The following SV2C variants were observed in gnomAD, a reference collection of about 807,000 sequenced individuals.
SV2C encodes the protein solute carrier family 22 member B3.
A neutral mutation model predicts 79.7 loss-of-function variants in SV2C; 49 were observed. That is an observed-to-expected ratio of 0.61 (90% confidence interval 0.49 to 0.78). The LOEUF (loss-of-function observed/expected upper bound fraction) is 0.78, where lower values mean the gene tolerates loss of function less well. Ranked by LOEUF, SV2C falls within the 30% of genes least tolerant of loss-of-function variation. The pLI is 0.00. For missense variants in SV2C, 833 were observed against 912.9 expected, an observed-to-expected ratio of 0.91 and a Z score of 1.13; for synonymous variants, 334 against 333.2, an observed-to-expected ratio of 1.00 and a Z score of -0.03.
chr5:75,990,377 C>G, the SV2C span, among the ~76,000 whole-genome samples: 16 of 151,890 alleles, frequency 1.1e-4, no homozygotes, highest in Middle Eastern at 3.2e-3. Context: ...AGCCAGTCCT[C>G]AAGAATAAGC....
At chr5:76,260,790 C>G (rs1462477509) in intron 4 of SV2C, among the ~76,000 whole-genome samples, 1 of 152,092 alleles carries the variant, frequency 6.6e-6, no homozygotes, top group East Asian at 1.9e-4. Flanking sequence ...CTGTCCTGTT[C>G]CATTGGTTTA....
chr5:76,242,747 A>G (rs1745826849), intron 4 of SV2C, among the ~76,000 whole-genome samples: 1 of 152,090 alleles, frequency 6.6e-6, no homozygotes, highest in African/African-American at 2.4e-5. Context: ...GAAAACGAAG[A>G]TGATGCCAGG....
At chr5:76,100,141 C>CT (rs1001700921) in intron 1 of SV2C, among the ~76,000 whole-genome samples, 90 of 152,170 alleles carry the variant, frequency 5.9e-4, no homozygotes, top group African/African-American at 2.0e-3. Flanking sequence ...AAATCATGAC[C>CT]TTTTTTTAGT....
At chr5:75,988,940 C>T in the SV2C span, among the ~76,000 whole-genome samples, 6 of 151,870 alleles carry the variant, frequency 4.0e-5, no homozygotes, top group South Asian at 2.1e-4. Flanking sequence ...TTAGTTTCCT[C>T]CCATATATTT....
intron 4 of SV2C, among the ~76,000 whole-genome samples, chr5:76,265,304 C>G (rs561757320): frequency 2.6e-5 from 4 of 152,186 alleles, no homozygotes; most frequent in African/African-American, 4.8e-5. Flanking sequence ...CCCTGCCCCC[C>G]ACCAAGCTCG....
chr5:75,895,290 G>T, the SV2C span, among the ~76,000 whole-genome samples: 1 of 151,962 alleles, frequency 6.6e-6, no homozygotes, highest in African/African-American at 2.4e-5. Context: ...TCACACACAA[G>T]AGAAAAAGCA....
At chr5:75,964,667 C>A in the SV2C span, among the ~76,000 whole-genome samples, 15 of 152,162 alleles carry the variant, frequency 9.9e-5, no homozygotes, top group African/African-American at 3.6e-4. Context: ...GTTTCTTTAC[C>A]AGATTCTACC....
chr5:76,264,341 T>C (rs751433485), intron 4 of SV2C, among the ~76,000 whole-genome samples: 58 of 152,110 alleles, frequency 3.8e-4, no homozygotes, highest in Non-Finnish European at 7.2e-4. Flanking sequence ...TGTAACCTTT[T>C]TTCAAAGTTC....
chr5:76,325,607 C>A lies in SV2C; in HGVS notation c.*60C>A. 1.3e-6 allele frequency: 2 copies of A among 1,589,448 alleles called. No individual in the cohort carries two copies. Among genetic ancestry groups the A allele is most frequent in the Non-Finnish European group, 1.7e-6 (2 of 1,169,272 alleles). On this transcript the variant is annotated 3_prime_UTR_variant, in exon 13 of 13. Transcript: ENST00000502798. The stretch of plus-strand genomic sequence containing the variant: ...TCCTGCCCTGGGTCAATTCTCCTTC[C>A]TGACTCAAGGCTTCAGAGTTTTCCT...
the SV2C span, among the ~76,000 whole-genome samples, chr5:76,015,510 C>G: frequency 6.6e-6 from 1 of 152,082 alleles, no homozygotes; most frequent in East Asian, 1.9e-4. Context: ...GCTTTTGAGT[C>G]AAATTCTGTG....
At chr5:75,955,034 G>GAA in the SV2C span, among the ~76,000 whole-genome samples, 2 of 145,196 alleles carry the variant, frequency 1.4e-5, no homozygotes, top group Non-Finnish European at 3.0e-5. Flanking sequence ...CACAGAATTG[G>GAA]AAAAAACTAC....
chr5:76,164,721 A>AGTGTGT (rs10651569), intron 2 of SV2C, among the ~76,000 whole-genome samples: 2,786 of 141,878 alleles, frequency 0.02, 92 homozygotes, highest in East Asian at 0.069. Context: ...GATGGAACTC[A>AGTGTGT]GTGTGTGTGT....
intron 3 of SV2C, among the ~76,000 whole-genome samples, chr5:76,196,640 G>A (rs1002645305): frequency 6.6e-6 from 1 of 152,150 alleles, no homozygotes; most frequent in Non-Finnish European, 1.5e-5. Context: ...ACCAGGAAAG[G>A]CCAAGCTTCC....
intron 1 of SV2C, among the ~76,000 whole-genome samples, chr5:76,116,869 G>T (rs1385857506): frequency 2.0e-5 from 3 of 152,192 alleles, no homozygotes; most frequent in Non-Finnish European, 4.4e-5. Context: ...CAGGAATCCA[G>T]GAGTATTGCA....
upstream of SV2C, among the ~76,000 whole-genome samples, chr5:76,080,561 T>C (rs529213273): frequency 6.6e-6 from 1 of 152,370 alleles, no homozygotes; most frequent in African/African-American, 2.4e-5. Context: ...GCTTCTTGTG[T>C]ATATTATAAA....
At chr5:75,958,861 A>G in the SV2C span, among the ~76,000 whole-genome samples, 5 of 151,876 alleles carry the variant, frequency 3.3e-5, no homozygotes, top group African/African-American at 1.2e-4. Context: ...TGACCTTTTC[A>G]ACCTCAACCC....
the SV2C span, among the ~76,000 whole-genome samples, chr5:75,944,915 T>TA: frequency 2.8e-4 from 42 of 151,980 alleles, no homozygotes; most frequent in East Asian, 5.8e-3. Flanking sequence ...CTGTCTTGGC[T>TA]AAAAAAACTG....
At chr5:76,029,093 C>G in the SV2C span, among the ~76,000 whole-genome samples, 1 of 152,142 alleles carries the variant, frequency 6.6e-6, no homozygotes, top group South Asian at 2.1e-4. Context: ...TCTCAAACTT[C>G]ATGATTTTTA....
At position 76,112,499 on chromosome 5, in the gene SV2C, G is replaced by C. The variant is rs562506899; in HGVS notation, c.-101-19151G>C. On this transcript the variant is annotated intron_variant, in intron 1 of 12. Transcript: ENST00000502798. Reference sequence around the variant, plus strand: ...GCGAGGCCTTGTGCGCCAAGGGGATGGGGGGGAGGACCCTGAAGGTTTTCA... The same window carrying C: ...GCGAGGCCTTGTGCGCCAAGGGGATCGGGGGGAGGACCCTGAAGGTTTTCA... 2.6e-5 allele frequency among the ~76,000 whole-genome samples: 4 copies of C among 152,238 alleles called. No homozygotes were observed. The South Asian group carries it at 6.2e-4, about 24-fold the overall frequency.
Sources: gnomAD v4.1 joint callset for allele counts (sites outside exome capture counted in the v4.1 genomes callset) on GRCh38, gnomAD v4.1.1 for gene constraint, MANE v1.5 for transcripts, NCBI Gene and HGNC (gene_info 2026-07-23, HGNC 2026-07-21) for gene names.